The following PLXDC2 variants were observed in gnomAD, a reference collection of about 807,000 sequenced individuals.
PLXDC2 encodes the protein plexin domain containing 2.
Under a neutral mutation model 68.9 loss-of-function variants are expected in PLXDC2, and 40 were observed. The observed-to-expected ratio is 0.58, with a 90% CI of 0.45 to 0.76. The LOEUF (loss-of-function observed/expected upper bound fraction) is 0.76. Ranked by LOEUF, PLXDC2 falls within the 30% of genes least tolerant of loss-of-function variation. PLXDC2 has a pLI of 0.00. For synonymous variants in PLXDC2, 243 were observed against 234.2 expected (o/e 1.04, Z -0.34); for missense variants, 644 against 661.9 (o/e 0.97, Z 0.30).
chr10:19,849,832 A>G (rs1369331025), intron 1 of PLXDC2, among the ~76,000 whole-genome samples: 1 of 152,170 alleles, frequency 6.6e-6, no homozygotes, highest in Non-Finnish European at 1.5e-5. Context: ...TTAAAGGACT[A>G]TAAAAAGACA....
chr10:19,932,252 A>AT (rs890220569), intron 1 of PLXDC2, among the ~76,000 whole-genome samples: 7 of 151,946 alleles, frequency 4.6e-5, no homozygotes, highest in Non-Finnish European at 8.8e-5. Flanking sequence ...CAAAGGGTCT[A>AT]TTTTTTTCAC....
At chr10:19,817,663 C>A (rs1024935485) in intron 1 of PLXDC2, among the ~76,000 whole-genome samples, 11 of 152,206 alleles carry the variant, frequency 7.2e-5, no homozygotes, top group African/African-American at 2.7e-4. Context: ...TGTGGCAGCA[C>A]CTTCCTTCCC....
chr10:19,860,207 G>A (rs895162886), intron 1 of PLXDC2, among the ~76,000 whole-genome samples: 3 of 152,156 alleles, frequency 2.0e-5, no homozygotes, highest in African/African-American at 7.2e-5. Context: ...TTGTCATGCA[G>A]GGTGCAGTTT....
rs954717124 is a variant in PLXDC2 at position 20,282,379 on chromosome 10, T to C, written c.*2560T>C. On this transcript the variant is annotated 3_prime_UTR_variant, in exon 14 of 14. Coordinates refer to ENST00000377252, the MANE Select transcript of PLXDC2 (RefSeq NM_032812.9). The stretch of plus-strand genomic sequence containing the variant: ...AAATGGTCATCAATGCTTTGGACTT[T>C]ACATAATTATGTATTAGAGAAGGTG... 3 of 152,168 alleles carry C rather than the reference T, an allele frequency of 2.0e-5. No individual in the cohort carries two copies. Among genetic ancestry groups the C allele is most frequent in the African/African-American group, 7.2e-5 (3 of 41,440 alleles). 9.4% of individuals were successfully genotyped at this position (152,168 alleles called of 1,614,324 possible).
chr10:19,923,116 C>A (rs1256506971), intron 1 of PLXDC2, among the ~76,000 whole-genome samples: 2 of 151,952 alleles, frequency 1.3e-5, no homozygotes, highest in African/African-American at 2.4e-5. Context: ...GGCTTTATTT[C>A]TTTAGACCAG....
chr10:20,040,945 T>C (rs770662255), intron 2 of PLXDC2, among the ~76,000 whole-genome samples: 5 of 152,218 alleles, frequency 3.3e-5, no homozygotes, highest in South Asian at 2.1e-4. Context: ...TATCTGTCAG[T>C]TGCCTGCTAT....
intron 9 of PLXDC2, among the ~76,000 whole-genome samples, chr10:20,203,257 T>C (rs1052150669): frequency 7.9e-5 from 12 of 151,848 alleles, no homozygotes; most frequent in African/African-American, 1.7e-4. Flanking sequence ...AATACCTTTT[T>C]TGCCTATTAT....
intron 3 of PLXDC2, among the ~76,000 whole-genome samples, chr10:20,063,051 T>C (rs1224705696): frequency 1.3e-5 from 2 of 152,150 alleles, no homozygotes; most frequent in East Asian, 1.9e-4. Context: ...GAATAACATC[T>C]CACCTATTTG....
intron 1 of PLXDC2, among the ~76,000 whole-genome samples, chr10:19,865,371 G>C (rs1837394480): frequency 6.6e-6 from 1 of 152,192 alleles, no homozygotes; most frequent in Non-Finnish European, 1.5e-5. Flanking sequence ...TTATTTTTCA[G>C]AAATGTATTT....
chr10:19,959,765 C>A (rs533567116), intron 1 of PLXDC2, among the ~76,000 whole-genome samples: 1 of 152,066 alleles, frequency 6.6e-6, no homozygotes, highest in Non-Finnish European at 1.5e-5. Flanking sequence ...CCAAATGAAA[C>A]CCTAGGGACC....
chr10:19,887,999 G>T (rs1404692139), intron 1 of PLXDC2, among the ~76,000 whole-genome samples: 1 of 152,178 alleles, frequency 6.6e-6, no homozygotes, highest in Non-Finnish European at 1.5e-5. Flanking sequence ...TTTAATTGCA[G>T]TTTGCTGTGT....
chr10:19,816,921 C>T lies in PLXDC2; in HGVS notation c.-159C>T, dbSNP rs1421076733. 1.6e-6 allele frequency: 1 copy of T among 610,292 alleles called. No individual in the cohort carries two copies. Among genetic ancestry groups the T allele is most frequent in the Non-Finnish European group, 2.9e-6 (1 of 345,796 alleles). The allele number at this position is 610,292 out of a possible 1,614,324, so 37.8% of individuals were successfully genotyped here. Reference sequence around the variant, plus strand: ...CTACTCGCGTTCGCTTCTTCCTCTTCTCGGTTCCCTACTGTGAAATCGCAG... The same window carrying T: ...CTACTCGCGTTCGCTTCTTCCTCTTTTCGGTTCCCTACTGTGAAATCGCAG... On this transcript the variant is annotated 5_prime_UTR_variant, in exon 1 of 14. Transcript: ENST00000377252.
At chr10:19,975,026 G>T (rs1834424809) in intron 1 of PLXDC2, among the ~76,000 whole-genome samples, 1 of 152,134 alleles carries the variant, frequency 6.6e-6, no homozygotes, top group South Asian at 2.1e-4. Flanking sequence ...CATCGGCTCT[G>T]TCATGTCCCA....
At chr10:19,888,772 GGT>G (rs1837894205) in intron 1 of PLXDC2, among the ~76,000 whole-genome samples, 1 of 152,020 alleles carries the variant, frequency 6.6e-6, no homozygotes, top group African/African-American at 2.4e-5. Context: ...AGAGGGGTAG[GGT>G]GAGGCTGGTA....
At position 19,977,367 on chromosome 10, in the gene PLXDC2, G is replaced by C. The variant is rs572892893; in HGVS notation, c.113-24408G>C. ...ATAAAATCTTTCACAAGATCCCCAG[G>C]ATAGGAACATTGCCCTGGAGAACAA... On this transcript the variant is annotated intron_variant, in intron 1 of 13. Coordinates refer to ENST00000377252, the MANE Select transcript of PLXDC2 (RefSeq NM_032812.9). 1.7e-4 allele frequency among the ~76,000 whole-genome samples: 26 copies of C among 152,266 alleles called. 1 individual carries two copies. Among genetic ancestry groups the C allele is most frequent in the African/African-American group, 6.0e-4 (25 of 41,550 alleles).
At chr10:20,110,491 G>T (rs374108223) in intron 4 of PLXDC2, among the ~76,000 whole-genome samples, 168 of 152,138 alleles carry the variant, frequency 1.1e-3, no homozygotes, top group African/African-American at 3.9e-3. Flanking sequence ...TTATACTGTG[G>T]AATCCCCTTT....
intron 1 of PLXDC2, among the ~76,000 whole-genome samples, chr10:19,847,668 A>G (rs1197533946): frequency 6.6e-6 from 1 of 152,176 alleles, no homozygotes; most frequent in African/African-American, 2.4e-5. Context: ...TAATAATCCC[A>G]ACCTCAATGT....
At chr10:20,086,004 T>C (rs999420849) in intron 4 of PLXDC2, among the ~76,000 whole-genome samples, 1 of 152,226 alleles carries the variant, frequency 6.6e-6, no homozygotes, top group African/African-American at 2.4e-5. Flanking sequence ...TTTCTTGTAA[T>C]GGTTTGCTTG....
chr10:19,980,221 T>A (rs571462903), intron 1 of PLXDC2, among the ~76,000 whole-genome samples: 1 of 152,334 alleles, frequency 6.6e-6, no homozygotes, highest in African/African-American at 2.4e-5. Flanking sequence ...AATGAATGGA[T>A]CTTTGTAGTG....
Sources: allele counts gnomAD v4.1 joint callset (sites outside exome capture counted in the v4.1 genomes callset), GRCh38; gene constraint gnomAD v4.1.1; transcripts MANE v1.5; gene names NCBI Gene and HGNC (gene_info 2026-07-23, HGNC 2026-07-21).